The following NFIB variants were observed in gnomAD, a reference collection of about 807,000 sequenced individuals.
The protein encoded by NFIB is nuclear factor I B, also known as nuclear factor 1 B-type.
Under a neutral mutation model 61.5 loss-of-function variants are expected in NFIB, and 11 were observed. The ratio of observed to expected loss-of-function variants is 0.18; its 90% confidence interval spans 0.11 to 0.30. The LOEUF (loss-of-function observed/expected upper bound fraction) is 0.30, where lower values mean the gene tolerates loss of function less well. Among genes scored for constraint, NFIB ranks in the 10% least tolerant of loss-of-function variants. NFIB has a pLI of 1.00. For synonymous variants in NFIB, 260 were observed against 216.5 expected, an observed-to-expected ratio of 1.20 and a Z score of -1.76; for missense variants, 471 against 608.9, an observed-to-expected ratio of 0.77 and a Z score of 2.38.
chr9:14,340,093 C>A (rs527302460), intron 1 of NFIB, among the ~76,000 whole-genome samples: 1 of 152,242 alleles, frequency 6.6e-6, no homozygotes, highest in South Asian at 2.1e-4. Context: ...AGTGACAGAA[C>A]CTGAATTGTA....
chr9:14,500,957 A>G, the NFIB span, among the ~76,000 whole-genome samples: 1 of 152,222 alleles, frequency 6.6e-6, no homozygotes, highest in South Asian at 2.1e-4. Flanking sequence ...TCAGACAAGG[A>G]AAGTTTTCAG....
At chr9:14,177,660 G>A (rs1409842397) in intron 3 of NFIB, among the ~76,000 whole-genome samples, 6 of 151,934 alleles carry the variant, frequency 3.9e-5, no homozygotes, top group African/African-American at 7.3e-5. Context: ...ATCAACGTAC[G>A]ATTTACATAT....
the NFIB span, among the ~76,000 whole-genome samples, chr9:14,523,254 T>C: frequency 6.6e-6 from 1 of 152,156 alleles, no homozygotes; most frequent in Non-Finnish European, 1.5e-5. Flanking sequence ...TCAGCTTTCA[T>C]GCAGACACCA....
chr9:14,423,721 G>C, the NFIB span, among the ~76,000 whole-genome samples: 15 of 152,308 alleles, frequency 9.8e-5, no homozygotes, highest in East Asian at 2.9e-3. Context: ...CTGCAAAGTA[G>C]TTTGGCCAGA....
At position 14,112,987 on chromosome 9, in the gene NFIB, AAAC is replaced by A. The variant is rs2037608169; in HGVS notation, c.1467+9_1467+11del. The stretch of plus-strand genomic sequence containing the variant: ...GTGGCTACACCGTCACACCTGGGTG[AAAC>A]TTGCCCACCTGTTGCTGATGTAGGA... On this transcript the variant is annotated intron_variant, in intron 10 of 10. Coordinates refer to ENST00000380953, the MANE Select transcript of NFIB (RefSeq NM_001190737.2). 1.9e-6 allele frequency: 3 copies of A among 1,549,816 alleles called. No homozygotes were observed. In the East Asian group the frequency reaches 7.3e-5, roughly 38 times the overall value.
At chr9:14,272,016 A>C (rs2057660550) in intron 2 of NFIB, among the ~76,000 whole-genome samples, 2 of 152,208 alleles carry the variant, frequency 1.3e-5, no homozygotes, top group Admixed American at 1.3e-4. Flanking sequence ...AGTGCATAAG[A>C]CTAGTATTTT....
the NFIB span, among the ~76,000 whole-genome samples, chr9:14,444,609 G>A: frequency 6.8e-6 from 1 of 147,446 alleles, no homozygotes; most frequent in Admixed American, 6.7e-5. Context: ...GAAATGTATC[G>A]GGGGAAAAGA....
intron 2 of NFIB, among the ~76,000 whole-genome samples, chr9:14,214,412 G>C (rs748707900): frequency 1.8e-4 from 28 of 152,160 alleles, no homozygotes; most frequent in Non-Finnish European, 3.4e-4. Flanking sequence ...CCACACATTA[G>C]GGAGCTGGTC....
chr9:14,265,434 G>T (rs1303157277), intron 2 of NFIB, among the ~76,000 whole-genome samples: 1 of 152,180 alleles, frequency 6.6e-6, no homozygotes, highest in East Asian at 1.9e-4. Flanking sequence ...AGAGACACCG[G>T]AGAGCTTGCT....
chr9:14,337,780 C>T (rs1246360162), intron 1 of NFIB, among the ~76,000 whole-genome samples: 2 of 152,198 alleles, frequency 1.3e-5, no homozygotes, highest in South Asian at 2.1e-4. Flanking sequence ...GGCTTTTATA[C>T]ATTCAGCTGT....
At chr9:14,388,804 T>C (rs1481006749) in intron 1 of NFIB, among the ~76,000 whole-genome samples, 1 of 152,208 alleles carries the variant, frequency 6.6e-6, no homozygotes, top group Non-Finnish European at 1.5e-5. Context: ...ATGTGTTCAA[T>C]CTAGGTAGTA....
At chr9:14,150,366 G>C in intron 4 of NFIB, 101 bp from the exon 5 acceptor site, 2 of 1,561,646 alleles carry the variant, frequency 1.3e-6, no homozygotes, top group South Asian at 2.4e-5. Context: ...GTCAAAGATA[G>C]AGAGAACTTT....
chr9:14,268,008 T>C lies in NFIB; in HGVS notation c.562+38981A>G, dbSNP rs573211474. On this transcript the variant is annotated intron_variant, in intron 2 of 10. Coordinates refer to ENST00000380953, the MANE Select transcript of NFIB (RefSeq NM_001190737.2). ...TGTGCCCGGCATGATGGCGGGTGCC[T>C]GTAATCCCAGCTGATACTCAGGAGG... is the stretch of plus-strand genomic sequence containing the variant. Among the ~76,000 whole-genome samples the C allele has an allele frequency of 1.8e-4, 27 of 151,856 alleles. 1 individual carries two copies. The South Asian group carries it at 5.4e-3, about 30-fold the overall frequency.
intron 1 of NFIB, among the ~76,000 whole-genome samples, chr9:14,344,872 A>G (rs2061000507): frequency 6.6e-6 from 1 of 152,218 alleles, no homozygotes; most frequent in African/African-American, 2.4e-5. Flanking sequence ...CAACATAGCC[A>G]TCAAGATTAG....
chr9:14,243,847 C>A (rs2054603568), intron 2 of NFIB, among the ~76,000 whole-genome samples: 1 of 152,174 alleles, frequency 6.6e-6, no homozygotes, highest in Non-Finnish European at 1.5e-5. Flanking sequence ...AGGATCCTTG[C>A]TGCTGGAGGG....
At chr9:14,161,114 C>G (rs1489872824) in intron 3 of NFIB, among the ~76,000 whole-genome samples, 5 of 152,142 alleles carry the variant, frequency 3.3e-5, no homozygotes, top group Non-Finnish European at 7.4e-5. Context: ...CTTCATATAA[C>G]TTCAGATACC....
At chr9:14,228,727 C>T (rs2052752751) in intron 2 of NFIB, among the ~76,000 whole-genome samples, 2 of 152,164 alleles carry the variant, frequency 1.3e-5, no homozygotes, top group African/African-American at 4.8e-5. Context: ...AAGAAAGGAT[C>T]TGACTGTTTG....
At chr9:14,355,058 G>A (rs944400570) in intron 1 of NFIB, among the ~76,000 whole-genome samples, 1 of 152,182 alleles carries the variant, frequency 6.6e-6, no homozygotes, top group Non-Finnish European at 1.5e-5. Flanking sequence ...GTGTGAGCAT[G>A]TTTGGGTTGG....
In NFIB at chr9:14,186,523, G is replaced by C. The variant is rs368070003; in HGVS notation, c.563-6743C>G. ...GGTAAGAAACAAAAGCTTGACGGAA[G>C]GAATACAAATGCATGTATTTTATAG... On this transcript the variant is annotated intron_variant, in intron 2 of 10. Transcript: ENST00000380953. Among the ~76,000 whole-genome samples, 16 of 152,164 alleles carry C rather than the reference G, an allele frequency of 1.1e-4. No individual in the cohort carries two copies. In the East Asian group the frequency reaches 2.7e-3, roughly 26 times the overall value.
Sources: gnomAD v4.1 joint callset for allele counts (sites outside exome capture counted in the v4.1 genomes callset) on GRCh38, gnomAD v4.1.1 for gene constraint, MANE v1.5 for transcripts, NCBI Gene and HGNC (gene_info 2026-07-23, HGNC 2026-07-21) for gene names.